The following SLC44A5 variants were observed in gnomAD, a reference collection of about 807,000 sequenced individuals.
SLC44A5 encodes the protein solute carrier family 44 member 5, also known as choline transporter-like protein 5.
SLC44A5 carries 57 observed loss-of-function variants against 101.8 expected under a neutral mutation model. That is an observed-to-expected ratio of 0.56 (90% CI 0.45 to 0.70). The LOEUF is 0.70. Ranked by LOEUF, SLC44A5 falls within the 30% of genes least tolerant of loss-of-function variation. The pLI is 0.00. For missense variants in SLC44A5, 737 were observed against 853.1 expected, an observed-to-expected ratio of 0.86 and a Z score of 1.70; for synonymous variants, 281 against 290.9, an observed-to-expected ratio of 0.97 and a Z score of 0.35.
the SLC44A5 span, among the ~76,000 whole-genome samples, chr1:75,695,519 A>G: frequency 1.3e-5 from 2 of 152,136 alleles, no homozygotes; most frequent in African/African-American, 4.8e-5. Flanking sequence ...GCATCTGTTA[A>G]TGAGCTAGAA....
the SLC44A5 span, among the ~76,000 whole-genome samples, chr1:75,683,521 C>T: frequency 6.6e-6 from 1 of 152,094 alleles, no homozygotes; most frequent in Middle Eastern, 3.4e-3. Flanking sequence ...AAACCAAACA[C>T]CGCATATTCT....
chr1:75,238,791 T>G (rs998045228), intron 9 of SLC44A5, among the ~76,000 whole-genome samples, 155 bp from the exon 10 acceptor site: 8 of 152,110 alleles, frequency 5.3e-5, no homozygotes, highest in Non-Finnish European at 1.0e-4. Flanking sequence ...CTTGATGATA[T>G]GATTTTCTAA....
chr1:75,678,068 G>A, the SLC44A5 span, among the ~76,000 whole-genome samples: 32,384 of 152,182 alleles, frequency 0.21, 4,485 homozygotes, highest in Middle Eastern at 0.36. Context: ...CTTAGAAAAC[G>A]GCGCACCACG....
chr1:75,635,256 C>T, the SLC44A5 span, among the ~76,000 whole-genome samples: 4 of 151,334 alleles, frequency 2.6e-5, no homozygotes, highest in African/African-American at 9.7e-5. Context: ...TGTGGCGATT[C>T]CTCGGGGATC....
Position 75,242,745 on chromosome 1 carries a change from T to TG in SLC44A5, c.471+140dup, listed in dbSNP as rs1648749734. On this transcript the variant is annotated intron_variant, in intron 8 of 23. Transcript: ENST00000370859. The stretch of plus-strand genomic sequence containing the variant: ...GGTGTGCATGCACACCCAGTACACA[T>TG]GCATTTCTGTTTCAATGAAATTGTA... 33 of 993,150 alleles carry TG rather than the reference T, an allele frequency of 3.3e-5. No homozygotes were observed. The South Asian group carries it at 6.0e-4, about 18-fold the overall frequency. 61.5% of individuals were successfully genotyped at this position (993,150 alleles called of 1,614,324 possible).
At chr1:75,298,756 A>G (rs1248705316) in intron 5 of SLC44A5, among the ~76,000 whole-genome samples, 1 of 152,214 alleles carries the variant, frequency 6.6e-6, no homozygotes, top group Non-Finnish European at 1.5e-5. Context: ...CCATGGAAAT[A>G]ATATTGTAAA....
At chr1:75,362,344 GTTC>G (rs921153845) in intron 3 of SLC44A5, among the ~76,000 whole-genome samples, 2 of 151,022 alleles carry the variant, frequency 1.3e-5, no homozygotes, top group East Asian at 2.0e-4. Flanking sequence ...GGCTTATTTT[GTTC>G]TTCTTTTCCT....
At chr1:75,370,031 A>G (rs1053489543) in intron 3 of SLC44A5, among the ~76,000 whole-genome samples, 10 of 152,378 alleles carry the variant, frequency 6.6e-5, no homozygotes, top group African/African-American at 2.4e-4. Flanking sequence ...TTATTTGAAT[A>G]GGTTAGGCTT....
intron 13 of SLC44A5, 76 bp from the exon 14 acceptor site, chr1:75,222,536 T>C: frequency 1.2e-6 from 1 of 832,826 alleles, no homozygotes; most frequent in Non-Finnish European, 2.0e-6. Flanking sequence ...AATGCTAGGA[T>C]TGAACTTTAT....
intron 3 of SLC44A5, among the ~76,000 whole-genome samples, chr1:75,369,209 G>C (rs1375822646): frequency 6.6e-6 from 1 of 151,644 alleles, no homozygotes; most frequent in Non-Finnish European, 1.5e-5. Flanking sequence ...GAAGAGACAG[G>C]GTTTTGTTTT....
At chr1:75,695,169 G>A in the SLC44A5 span, among the ~76,000 whole-genome samples, 2 of 152,222 alleles carry the variant, frequency 1.3e-5, no homozygotes, top group South Asian at 4.1e-4. Context: ...CCATCTCTGT[G>A]CAGATGATCA....
At chr1:75,306,381 G>C (rs1009511298) in intron 4 of SLC44A5, among the ~76,000 whole-genome samples, 3 of 152,190 alleles carry the variant, frequency 2.0e-5, no homozygotes, top group Non-Finnish European at 4.4e-5. Flanking sequence ...TTCACTGACA[G>C]TCTAATGCAT....
the SLC44A5 span, among the ~76,000 whole-genome samples, chr1:75,657,646 T>A: frequency 6.6e-6 from 1 of 151,708 alleles, no homozygotes; most frequent in South Asian, 2.1e-4. Flanking sequence ...ATAAAATAGA[T>A]TTCAAGTCAA....
the SLC44A5 span, among the ~76,000 whole-genome samples, chr1:75,622,466 T>C: frequency 6.6e-6 from 1 of 151,988 alleles, no homozygotes; most frequent in Admixed American, 6.6e-5. Flanking sequence ...CAGTGAAGTG[T>C]CTGCTTATTG....
chr1:75,658,441 A>G, the SLC44A5 span, among the ~76,000 whole-genome samples: 1 of 152,174 alleles, frequency 6.6e-6, no homozygotes, highest in African/African-American at 2.4e-5. Flanking sequence ...TCTGACCACA[A>G]TTAAATAAAA....
chr1:75,360,253 G>A (rs79788941), intron 3 of SLC44A5, among the ~76,000 whole-genome samples: 2,262 of 152,240 alleles, frequency 0.015, 58 homozygotes, highest in African/African-American at 0.052. Flanking sequence ...CCAGACAAGT[G>A]TCATGGAAAT....
intron 3 of SLC44A5, among the ~76,000 whole-genome samples, chr1:75,353,801 T>G (rs1658865547): frequency 6.6e-6 from 1 of 152,242 alleles, no homozygotes; most frequent in African/African-American, 2.4e-5. Context: ...GATTAATATG[T>G]ACACTTCTAA....
chr1:75,348,197 T>G (rs1450773727), intron 3 of SLC44A5, among the ~76,000 whole-genome samples: 4 of 151,918 alleles, frequency 2.6e-5, no homozygotes, highest in Non-Finnish European at 5.9e-5. Context: ...CAACTAAAAA[T>G]TTGAGATATA....
intron 5 of SLC44A5, among the ~76,000 whole-genome samples, chr1:75,281,862 C>G (rs899593014): frequency 6.6e-6 from 1 of 152,164 alleles, no homozygotes; most frequent in African/African-American, 2.4e-5. Flanking sequence ...TATGGAAATG[C>G]CTGTATGTCC....
Sources: gnomAD v4.1 joint callset for allele counts (sites outside exome capture counted in the v4.1 genomes callset) on GRCh38, gnomAD v4.1.1 for gene constraint, MANE v1.5 for transcripts, NCBI Gene and HGNC (gene_info 2026-07-23, HGNC 2026-07-21) for gene names.